The following NPC1 variants were observed in gnomAD, a reference collection of about 807,000 sequenced individuals.
NPC1 encodes the protein NPC intracellular cholesterol transporter 1.
Under a neutral mutation model 140.4 loss-of-function variants are expected in NPC1, and 85 were observed. That is an observed-to-expected ratio of 0.61 (90% CI 0.51 to 0.72). The LOEUF (loss-of-function observed/expected upper bound fraction) is 0.72. NPC1 is among the 30% of genes least tolerant of loss of function. The pLI is 0.00. For missense variants in NPC1, 1,504 were observed against 1,623.8 expected, an observed-to-expected ratio of 0.93 and a Z score of 1.27; for synonymous variants, 656 against 624.8, an observed-to-expected ratio of 1.05 and a Z score of -0.74.
rs372947142 is a variant in NPC1 at position 23,568,876 on chromosome 18, G to A, written c.410C>T (p.Thr137Met). ...TTGTAACTCTTTCACATTTGTTTTC[G>A]TCTGGTTTGTAACAGGATCAACATA... ...EDYVDPVTNQ[T>M]KTNVKELQYY... Residue 137 changes from threonine to methionine, a missense_variant, in exon 4 of 25, where the codon ACG becomes ATG. Thr to Met is a moderately conservative substitution (Grantham distance 81). Transcript: ENST00000269228. 23 of 1,613,880 alleles carry A rather than the reference G, an allele frequency of 1.4e-5. No individual in the cohort carries two copies. The highest frequency in any genetic ancestry group is 1.9e-5 in the Non-Finnish European group (22 of 1,179,936).
At chr18:23,581,146 AAAAC>A (rs1297963610) in intron 1 of NPC1, among the ~76,000 whole-genome samples, 1 of 152,240 alleles carries the variant, frequency 6.6e-6, no homozygotes, top group Non-Finnish European at 1.5e-5. Flanking sequence ...CCACAAAACT[AAAAC>A]AAAACTATGA....
downstream of NPC1, chr18:23,520,318 C>T: frequency 6.2e-7 from 1 of 1,608,208 alleles, no homozygotes; most frequent in Non-Finnish European, 8.5e-7. Flanking sequence ...TCACAGGTAA[C>T]ACGGGTTCTG....
Position 23,543,441 on chromosome 18 carries a change from G to T in NPC1, c.2245+14C>A. 3 of 1,465,402 alleles carry T rather than the reference G, an allele frequency of 2.0e-6. No homozygotes were observed. The highest frequency in any genetic ancestry group is 2.9e-6 in the Non-Finnish European group (3 of 1,046,010). 90.8% of individuals were successfully genotyped at this position (1,465,402 alleles called of 1,614,324 possible). A position where few individuals can be genotyped will look rare whatever the true frequency, so the allele number is the denominator to read the frequency against. ...AGCAGACTACAGGACTGGTAGGATT[G>T]AAAGCATAATTACCTAAGAAAAATG... On this transcript the variant is annotated intron_variant, in intron 14 of 24. Coordinates refer to ENST00000269228, the MANE Select transcript of NPC1 (RefSeq NM_000271.5).
chr18:23,544,246 C>A lies in NPC1; in HGVS notation c.2130+98G>T, dbSNP rs2058751557. On this transcript the variant is annotated intron_variant, in intron 13 of 24. Transcript: ENST00000269228. ...CCACACAGGGAAAGGAAACAAAACA[C>A]CCTCACAGGTCACACTCACGAATGC... is the stretch of plus-strand genomic sequence containing the variant. 2.9e-5 allele frequency: 34 copies of A among 1,182,750 alleles called. No homozygotes were observed. The South Asian group carries it at 4.3e-4, about 15-fold the overall frequency. 73.3% of individuals were successfully genotyped at this position (1,182,750 alleles called of 1,614,324 possible).
chr18:23,530,172 A>T, downstream of NPC1: 4 of 1,613,850 alleles, frequency 2.5e-6, no homozygotes, highest in Non-Finnish European at 3.4e-6. Flanking sequence ...GTGGTTAAAA[A>T]TGGAAAATTT....
intron 12 of NPC1, 40 bp from the exon 13 acceptor site, chr18:23,544,566 G>T: frequency 6.3e-7 from 1 of 1,591,546 alleles, no homozygotes; most frequent in Non-Finnish European, 8.6e-7. Flanking sequence ...TTAGTTACAG[G>T]GTTGTCTGTC....
chr18:23,582,940 G>A (rs2059373609), intron 1 of NPC1, among the ~76,000 whole-genome samples: 1 of 151,634 alleles, frequency 6.6e-6, no homozygotes, highest in African/African-American at 2.4e-5. Context: ...AAGACCTTGT[G>A]TCTACAAAAA....
chr18:23,580,653 C>T (rs1291387839), intron 1 of NPC1, among the ~76,000 whole-genome samples: 3 of 152,214 alleles, frequency 2.0e-5, no homozygotes, highest in Non-Finnish European at 4.4e-5. Flanking sequence ...AGATACCCAG[C>T]TCAAGCTCCA....
At chr18:23,533,308 A>C (rs1388811147) in intron 24 of NPC1, 47 bp downstream of exon 24, 1 of 1,541,446 alleles carries the variant, frequency 6.5e-7, no homozygotes, top group South Asian at 1.1e-5. Context: ...ATTCCCTTTC[A>C]GTAATGTCCT....
intron 11 of NPC1, among the ~76,000 whole-genome samples, chr18:23,546,047 G>A (rs981520323): frequency 3.9e-5 from 6 of 152,010 alleles, no homozygotes; most frequent in South Asian, 2.1e-4. Context: ...TCAAGAGTTC[G>A]AGACTAGCCT....
chr18:23,544,211 G>T, intron 13 of NPC1, 133 bp downstream of exon 13: 1 of 855,242 alleles, frequency 1.2e-6, no homozygotes, highest in South Asian at 1.4e-5. Flanking sequence ...AAGTCAAGAC[G>T]ACCGATGAGC....
chr18:23,574,883 G>A (rs1029323514), intron 1 of NPC1, among the ~76,000 whole-genome samples: 1 of 152,116 alleles, frequency 6.6e-6, no homozygotes, highest in African/African-American at 2.4e-5. Context: ...TAAACCCGGT[G>A]ATTCTAAGGA....
chr18:23,515,652 C>A (rs1416013603), intron 3 of NPC1, among the ~76,000 whole-genome samples: 8 of 152,138 alleles, frequency 5.3e-5, no homozygotes, highest in Non-Finnish European at 1.5e-5. Context: ...TGTGCCTCAG[C>A]CTTCTGAGTA....
chr18:23,528,086 C>T (rs2058361210), downstream of NPC1: 2 of 535,940 alleles, frequency 3.7e-6, no homozygotes, highest in Non-Finnish European at 6.5e-6. Flanking sequence ...AGGGTCCCTG[C>T]ATCCCACGAG....
rs483352889 is a variant in NPC1 at position 23,544,346 on chromosome 18, G to C, written c.2128C>G (p.Gln710Glu). The C allele has an allele frequency of 6.2e-7, 1 of 1,613,736 alleles. No individual in the cohort carries two copies. Among genetic ancestry groups the C allele is most frequent in the African/African-American group, 1.3e-5 (1 of 74,872 alleles). The change falls in exon 13 of 25, where the codon CAG (glutamine) becomes GAG (glutamate). Residue 710 changes from glutamine to glutamate, a missense_variant and splice_region_variant. Transcript: ENST00000269228. ...DNIFILVQAY[Q>E]RDERLQGETL... is the part of the protein sequence containing the mutation. ...CCTGTGAGAATATGGAAGTATACCT[G>C]GTAGGCCTGCACCAGAATGAAGATG...
intron 3 of NPC1, chr18:23,515,955 A>T: frequency 6.2e-7 from 1 of 1,614,090 alleles, no homozygotes; most frequent in Non-Finnish European, 8.5e-7. Context: ...CTTGCTGTCT[A>T]CCACGGTCCT....
At chr18:23,533,297 A>G in intron 24 of NPC1, 58 bp downstream of exon 24, 3 of 1,495,250 alleles carry the variant, frequency 2.0e-6, no homozygotes, top group Non-Finnish European at 2.8e-6. Context: ...CTCAGGATAG[A>G]ATTCCCTTTC....
chr18:23,557,989 G>A (rs2058979683), intron 6 of NPC1, among the ~76,000 whole-genome samples: 1 of 152,146 alleles, frequency 6.6e-6, no homozygotes, highest in Admixed American at 6.6e-5. Flanking sequence ...AAATGACAGT[G>A]TTGGATACAA....
At chr18:23,577,112 TAC>T (rs1339233414) in intron 1 of NPC1, among the ~76,000 whole-genome samples, 3 of 151,786 alleles carry the variant, frequency 2.0e-5, no homozygotes, top group East Asian at 2.0e-4. Flanking sequence ...ATTAGTTAGA[TAC>T]AGAGTTTCCA....
Sources: gnomAD v4.1 joint callset for allele counts (sites outside exome capture counted in the v4.1 genomes callset) on GRCh38, gnomAD v4.1.1 for gene constraint, MANE v1.5 for transcripts, NCBI Gene and HGNC (gene_info 2026-07-23, HGNC 2026-07-21) for gene names.